NME7: variants seen among roughly 807,000 people sequenced by gnomAD.
NME7 encodes the protein nucleoside diphosphate kinase 7.
Under a neutral mutation model 49.1 loss-of-function variants are expected in NME7, and 41 were observed. The observed-to-expected ratio is 0.83, with a 90% CI of 0.65 to 1.08. The LOEUF is 1.08. Ranked by LOEUF, NME7 falls within the 50% of genes least tolerant of loss-of-function variation. The pLI, the probability that NME7 is intolerant of heterozygous loss-of-function variation, is 0.00. For missense variants in NME7, 423 were observed against 463.4 expected (o/e 0.91, Z 0.80); for synonymous variants, 139 against 150.6 (o/e 0.92, Z 0.56).
At chr1:169,311,583 T>C (rs1282521412) in intron 3 of NME7, among the ~76,000 whole-genome samples, 1 of 152,180 alleles carries the variant, frequency 6.6e-6, no homozygotes, top group Non-Finnish European at 1.5e-5. Context: ...GAGTCAGTTA[T>C]ATTACTTTAT....
At chr1:169,335,181 C>G (rs904319067) in intron 1 of NME7, among the ~76,000 whole-genome samples, 1 of 152,122 alleles carries the variant, frequency 6.6e-6, no homozygotes. Context: ...CCAGAAATAC[C>G]ATTTGACCCA....
At chr1:169,294,409 CAA>C (rs1650627048) in intron 6 of NME7, among the ~76,000 whole-genome samples, 3 of 151,916 alleles carry the variant, frequency 2.0e-5, no homozygotes, top group Admixed American at 2.0e-4. Context: ...AATGAGTAGT[CAA>C]AGATAGCTGA....
At chr1:169,299,943 C>A (rs1650876172) in intron 5 of NME7, among the ~76,000 whole-genome samples, 1 of 152,028 alleles carries the variant, frequency 6.6e-6, no homozygotes, top group Admixed American at 6.6e-5. Context: ...TATAACATAT[C>A]AGCGTCTGTG....
At chr1:169,249,822 T>C (rs563725973) in intron 7 of NME7, among the ~76,000 whole-genome samples, 54 of 152,278 alleles carry the variant, frequency 3.5e-4, no homozygotes, top group Non-Finnish European at 6.0e-4. Flanking sequence ...ATCCCTGGAA[T>C]GAAACCTACT....
At chr1:169,232,662 A>G (rs1367404251) in intron 9 of NME7, among the ~76,000 whole-genome samples, 2 of 151,938 alleles carry the variant, frequency 1.3e-5, no homozygotes, top group African/African-American at 4.8e-5. Context: ...CCAGGTGGGA[A>G]AATATTTTTC....
chr1:169,327,506 T>A (rs10919140), intron 1 of NME7, among the ~76,000 whole-genome samples: 26,127 of 152,186 alleles, frequency 0.17, 2,472 homozygotes, highest in East Asian at 0.23. Flanking sequence ...CTGGACAATG[T>A]GGTATTATTA....
At chr1:169,227,449 T>C (rs1035835390) in intron 10 of NME7, among the ~76,000 whole-genome samples, 2 of 152,228 alleles carry the variant, frequency 1.3e-5, no homozygotes, top group South Asian at 4.1e-4. Context: ...AGGCAATTTA[T>C]GGAGAAAATA....
Position 169,196,971 on chromosome 1 carries a change from G to A in NME7, c.991-27417C>T, listed in dbSNP as rs557878224. Among the ~76,000 whole-genome samples, 9 of 152,232 alleles carry A rather than the reference G, an allele frequency of 5.9e-5. No homozygotes were observed. In the South Asian group the frequency reaches 1.9e-3, roughly 32 times the overall value. On this transcript the variant is annotated intron_variant, in intron 10 of 11. Transcript: ENST00000367811. ...TGCTGATTCCTAATCTAACAGTATA[G>A]AGGTAGCCTGATAGAGTAGCCAGAG...
chr1:169,226,439 G>A (rs964614747), intron 10 of NME7, among the ~76,000 whole-genome samples: 2 of 152,106 alleles, frequency 1.3e-5, no homozygotes, highest in African/African-American at 4.8e-5. Flanking sequence ...TGGAGAAAAG[G>A]AATCAAATGG....
intron 5 of NME7, among the ~76,000 whole-genome samples, chr1:169,299,947 G>A (rs59000970): frequency 0.011 from 1,668 of 151,942 alleles, 43 homozygotes; most frequent in African/African-American, 0.038. Flanking sequence ...ACATATCAGC[G>A]TCTGTGCCAC....
chr1:169,151,424 TC>T (rs1453991740), intron 11 of NME7, among the ~76,000 whole-genome samples: 1 of 152,078 alleles, frequency 6.6e-6, no homozygotes, highest in African/African-American at 2.4e-5. Flanking sequence ...CGCTCCTGAC[TC>T]CCCAGCTGAC....
intron 11 of NME7, among the ~76,000 whole-genome samples, chr1:169,153,441 C>T (rs1658965878): frequency 6.6e-6 from 1 of 152,120 alleles, no homozygotes; most frequent in Non-Finnish European, 1.5e-5. Context: ...CTAAAACCAG[C>T]CTGCCATGTT....
chr1:169,283,196 T>C lies in NME7; in HGVS notation c.754+4107A>G, dbSNP rs560816414. On this transcript the variant is annotated intron_variant, in intron 7 of 11. Transcript: ENST00000367811. ...TGTGCATTGTTCCCTTTACCATTAA[T>C]GTAATGCCCTTCTTTGTCTCTTTTT... Among the ~76,000 whole-genome samples the C allele has an allele frequency of 2.6e-5, 4 of 152,314 alleles. No homozygotes were observed. The East Asian group carries it at 5.8e-4, about 22-fold the overall frequency.
chr1:169,181,927 T>C (rs998486933), intron 10 of NME7, among the ~76,000 whole-genome samples: 3 of 152,124 alleles, frequency 2.0e-5, no homozygotes, highest in Non-Finnish European at 4.4e-5. Flanking sequence ...ACCTTCCTAC[T>C]GCCTAGGGTC....
At chr1:169,228,406 G>A (rs533676968) in intron 10 of NME7, among the ~76,000 whole-genome samples, 1 of 152,026 alleles carries the variant, frequency 6.6e-6, no homozygotes, top group East Asian at 1.9e-4. Context: ...GGCCGGGCAC[G>A]GTGGCTCACG....
chr1:169,287,668 G>A (rs1286725352), intron 6 of NME7, among the ~76,000 whole-genome samples: 3 of 152,088 alleles, frequency 2.0e-5, no homozygotes, highest in Non-Finnish European at 4.4e-5. Flanking sequence ...CAGGAATATA[G>A]TGGACAAAGA....
At chr1:169,350,166 G>A (rs1349800221) in intron 1 of NME7, among the ~76,000 whole-genome samples, 2 of 147,192 alleles carry the variant, frequency 1.4e-5, no homozygotes, top group African/African-American at 5.1e-5. Context: ...AAGAAAGAAA[G>A]AAGAAAGAAA....
chr1:169,207,127 G>C (rs1342304451), intron 10 of NME7, among the ~76,000 whole-genome samples: 1 of 152,100 alleles, frequency 6.6e-6, no homozygotes, highest in Non-Finnish European at 1.5e-5. Flanking sequence ...GCCTCAGGCT[G>C]TTTCTACTCA....
At chr1:169,153,029 C>T (rs887591850) in intron 11 of NME7, among the ~76,000 whole-genome samples, 4 of 151,984 alleles carry the variant, frequency 2.6e-5, no homozygotes, top group Non-Finnish European at 5.9e-5. Flanking sequence ...AATTGAAACA[C>T]TTTTGTCATC....
Sources: gnomAD v4.1 joint callset for allele counts (sites outside exome capture counted in the v4.1 genomes callset) on GRCh38, gnomAD v4.1.1 for gene constraint, MANE v1.5 for transcripts, NCBI Gene and HGNC (gene_info 2026-07-23, HGNC 2026-07-21) for gene names.